The following DNER variants were observed in gnomAD, a reference collection of about 807,000 sequenced individuals.
DNER encodes the protein delta and Notch-like epidermal growth factor-related receptor.
In DNER, 33 loss-of-function variants were observed where a neutral mutation model predicts 78.2. The observed-to-expected ratio is 0.42, with a 90% CI of 0.32 to 0.56. The LOEUF (loss-of-function observed/expected upper bound fraction) is 0.56. Ranked by LOEUF, DNER falls within the 20% of genes least tolerant of loss-of-function variation. The pLI, the probability that DNER is intolerant of heterozygous loss-of-function variation, is 0.11. For synonymous variants in DNER, 417 were observed against 384.8 expected (o/e 1.08, Z -0.98); for missense variants, 918 against 975.3 (o/e 0.94, Z 0.78).
rs145588740 is a variant in DNER, at chr2:229,585,977, G to A, written c.728C>T (p.Thr243Met). The change falls in exon 4 of 13, where the codon ACG becomes ATG. Residue 243 changes from threonine to methionine, a missense_variant. Coordinates refer to ENST00000341772, the MANE Select transcript of DNER (RefSeq NM_139072.4). ...GGAGCACTGTTGGAATCCTGTGGCC[G>A]TGACCTTCCAGAGCAAAATCAGTGA... ...TASLILLWKV[T>M]ATGFQQCSLI... 4.2e-4 allele frequency: 675 copies of A among 1,613,936 alleles called. 2 individuals are homozygous for A. In the Admixed American group the frequency reaches 8.7e-3, roughly 21 times the overall value.
intron 5 of DNER, among the ~76,000 whole-genome samples, chr2:229,533,582 A>G (rs1696347400): frequency 1.3e-5 from 2 of 152,152 alleles, no homozygotes. Flanking sequence ...TTGTCTGACA[A>G]TGGAATGTGC....
intron 7 of DNER, among the ~76,000 whole-genome samples, chr2:229,467,030 A>G (rs1694820113): frequency 6.6e-6 from 1 of 152,160 alleles, no homozygotes; most frequent in Admixed American, 6.5e-5. Context: ...GTGCGGTGTC[A>G]AGTCTTGGAC....
At chr2:229,708,586 G>A (rs2154217847) in intron 1 of DNER, among the ~76,000 whole-genome samples, 1 of 152,330 alleles carries the variant, frequency 6.6e-6, no homozygotes, top group East Asian at 1.9e-4. Flanking sequence ...AATTGATAAG[G>A]ATATCTAAAA....
intron 7 of DNER, among the ~76,000 whole-genome samples, chr2:229,461,311 A>C (rs1234924859): frequency 6.6e-6 from 1 of 152,096 alleles, no homozygotes; most frequent in Admixed American, 6.5e-5. Context: ...AAAAGAAATT[A>C]TTTGAGCTAG....
intron 1 of DNER, among the ~76,000 whole-genome samples, chr2:229,695,744 C>T (rs1021190593): frequency 5.9e-5 from 9 of 152,114 alleles, no homozygotes; most frequent in Non-Finnish European, 1.2e-4. Context: ...TCCATAAAGC[C>T]GAACTCGTTA....
intron 6 of DNER, among the ~76,000 whole-genome samples, chr2:229,505,736 A>G (rs2154212097): frequency 6.6e-6 from 1 of 152,388 alleles, no homozygotes; most frequent in Non-Finnish European, 1.5e-5. Flanking sequence ...TACACGTTTC[A>G]AGAACCTCAG....
chr2:229,488,960 A>T (rs1356520790), intron 6 of DNER, among the ~76,000 whole-genome samples: 1 of 152,224 alleles, frequency 6.6e-6, no homozygotes, highest in Admixed American at 6.5e-5. Context: ...ATCTTATTTA[A>T]TCTTCACAGT....
At chr2:229,553,834 A>G (rs1367672977) in intron 4 of DNER, among the ~76,000 whole-genome samples, 3 of 152,208 alleles carry the variant, frequency 2.0e-5, no homozygotes, top group Non-Finnish European at 4.4e-5. Flanking sequence ...CTCAAATCCC[A>G]TCACTGAGGC....
rs147533391 is a variant in DNER, at chr2:229,591,740, G to C, written c.425C>G (p.Thr142Ser). Residue 142 changes from threonine to serine, a missense_variant, in exon 2 of 13, where the codon ACT becomes AGT. Thr to Ser is a moderately conservative substitution (Grantham distance 58). Coordinates refer to ENST00000341772, the MANE Select transcript of DNER (RefSeq NM_139072.4). This position sits in a 1 kb window ranked among gnomAD's most constrained non-coding sequence, Gnocchi z 4.6. ...GGGTGCCATGGATTCGGTCCAGCCA[G>C]TGGCTGGGAGACTGGGAAGTGCCTG... ...CEQALPSLPA[T>S]GWTESMAPRQ... 2.0e-4 allele frequency: 318 copies of C among 1,614,208 alleles called. 1 individual carries two copies. In the African/African-American group the frequency reaches 3.7e-3, roughly 19 times the overall value.
At chr2:229,639,799 C>T (rs1698585934) in intron 1 of DNER, among the ~76,000 whole-genome samples, 3 of 152,250 alleles carry the variant, frequency 2.0e-5, no homozygotes, top group South Asian at 2.1e-4. Flanking sequence ...GAGCAAAAAT[C>T]GGCCAGGATG....
Position 229,418,137 on chromosome 2 carries a change from T to TA in DNER, c.1579dup (p.Tyr527LeufsTer2), listed in dbSNP as rs1559346282. 6.2e-7 allele frequency: 1 copy of TA among 1,614,132 alleles called. No homozygotes were observed. The highest frequency in any genetic ancestry group is 1.7e-5 in the Admixed American group (1 of 60,028). ...GTATTCTGCCAGGCACACACACTCA[T>TA]AGCCATTAACGAGGTCCCTGCAGGT... On this transcript the variant is annotated frameshift_variant, in exon 9 of 13. Transcript: ENST00000341772. LOFTEE classifies it high-confidence loss of function.
chr2:229,648,997 G>A lies in DNER; in HGVS notation c.277-57109C>T, dbSNP rs544956496. ...GTGCCTCAGCTAACCTGTGTAGTGA[G>A]GCCAAAATCCATGAATGAAGCATAT... On this transcript the variant is annotated intron_variant, in intron 1 of 12. Coordinates refer to ENST00000341772, the MANE Select transcript of DNER (RefSeq NM_139072.4). Among the ~76,000 whole-genome samples, 198 of 152,220 alleles carry A rather than the reference G, an allele frequency of 1.3e-3. 1 individual carries two copies. Among genetic ancestry groups the A allele is most frequent in the Admixed American group, 2.9e-3 (44 of 15,294 alleles).
chr2:229,444,092 T>C (rs879303135), intron 8 of DNER, among the ~76,000 whole-genome samples: 1 of 152,214 alleles, frequency 6.6e-6, no homozygotes, highest in Non-Finnish European at 1.5e-5. Flanking sequence ...TTTTCAAGGC[T>C]ATTAAGGGGC....
At chr2:229,454,412 G>A (rs549024570) in intron 7 of DNER, among the ~76,000 whole-genome samples, 60 of 152,266 alleles carry the variant, frequency 3.9e-4, no homozygotes, top group Non-Finnish European at 6.6e-4. Context: ...ATCAATAAAT[G>A]TTTGTTGAAT....
At chr2:229,651,358 G>T (rs1698813304) in intron 1 of DNER, among the ~76,000 whole-genome samples, 2 of 152,232 alleles carry the variant, frequency 1.3e-5, no homozygotes, top group African/African-American at 2.4e-5. Context: ...ATGGTAGACA[G>T]GAGGAAAGTC....
chr2:229,510,122 A>C (rs1289823865), intron 6 of DNER, among the ~76,000 whole-genome samples: 1 of 139,070 alleles, frequency 7.2e-6, no homozygotes, highest in African/African-American at 2.4e-5. Flanking sequence ...AGATCAAGCT[A>C]TTACAGAGGC....
At chr2:229,707,055 C>T (rs1437826270) in intron 1 of DNER, among the ~76,000 whole-genome samples, 2 of 152,118 alleles carry the variant, frequency 1.3e-5, no homozygotes, top group Admixed American at 6.5e-5. Context: ...TCGCTTCAGC[C>T]CAGGCTGGAG....
At chr2:229,425,934 C>A (rs7584775) in intron 8 of DNER, among the ~76,000 whole-genome samples, 152,298 of 152,306 alleles carry the variant, frequency 1, 76,145 homozygotes, top group Non-Finnish European at 1. Context: ...AGTGAATTTA[C>A]GGTGTTTGGG....
chr2:229,482,170 A>G (rs1327898750), intron 6 of DNER, among the ~76,000 whole-genome samples: 1 of 152,372 alleles, frequency 6.6e-6, no homozygotes, highest in East Asian at 1.9e-4. Flanking sequence ...CCATGGGCAG[A>G]CCACAAGCAT....
Sources: allele counts gnomAD v4.1 joint callset (sites outside exome capture counted in the v4.1 genomes callset), GRCh38; gene constraint gnomAD v4.1.1; non-coding constraint Gnocchi (gnomAD v3.1); transcripts MANE v1.5; gene names NCBI Gene and HGNC (gene_info 2026-07-23, HGNC 2026-07-21).